WNT2B: variants seen among roughly 807,000 people sequenced by gnomAD.
WNT2B encodes the protein Wnt family member 2B.
In WNT2B, 19 loss-of-function variants were observed where a neutral mutation model predicts 40.5. That is an observed-to-expected ratio of 0.47 (90% CI 0.33 to 0.69). WNT2B has a LOEUF of 0.69. Ranked by LOEUF, WNT2B falls within the 30% of genes least tolerant of loss-of-function variation. The pLI, the probability that WNT2B is intolerant of heterozygous loss-of-function variation, is 0.02. For synonymous variants in WNT2B, 220 were observed against 211.9 expected, an observed-to-expected ratio of 1.04 and a Z score of -0.33; for missense variants, 467 against 556.4, an observed-to-expected ratio of 0.84 and a Z score of 1.62.
At position 112,515,101 on chromosome 1, in the gene WNT2B, G is replaced by A. The variant is rs1391659466; in HGVS notation, c.403+7G>A. On this transcript the variant is annotated splice_region_variant and intron_variant, in intron 2 of 4. Coordinates refer to ENST00000369684, the MANE Select transcript of WNT2B (RefSeq NM_024494.3). The surrounding 1 kb of genome is among the most constrained non-coding windows in gnomAD (Gnocchi z 4.4). ...GGCCGTGTCATGCTCAGAAGTAAGA[G>A]CCTCTTCCATCCTGTGTCAGCTCCT... 15 of 1,613,152 alleles carry A rather than the reference G, an allele frequency of 9.3e-6. No homozygotes were observed. Among genetic ancestry groups the A allele is most frequent in the African/African-American group, 1.3e-5 (1 of 74,920 alleles).
chr1:112,483,605 C>T (rs1651301686), intron 1 of WNT2B, among the ~76,000 whole-genome samples: 1 of 150,988 alleles, frequency 6.6e-6, no homozygotes, highest in Non-Finnish European at 1.5e-5. Context: ...AAAGCACAAG[C>T]AACAGAAGCA....
chr1:112,530,145 A>C lies in WNT2B; in HGVS notation c.*9636A>C, dbSNP rs1654133323. 1 of 152,236 alleles carries C rather than the reference A, an allele frequency of 6.6e-6. No individual in the cohort carries two copies. The highest frequency in any genetic ancestry group is 2.4e-5 in the African/African-American group (1 of 41,460). The allele number at this position is 152,236 out of a possible 1,614,324, so 9.4% of individuals were successfully genotyped here. A position where few individuals can be genotyped will look rare whatever the true frequency, so the allele number is the denominator to read the frequency against. ...AGCTAGAGAAGTAATAATTACCAAT[A>C]AAGTAAATTCCAAAGCCGAATCCCC... On this transcript the variant is annotated 3_prime_UTR_variant, in exon 5 of 5. Coordinates refer to ENST00000369684, the MANE Select transcript of WNT2B (RefSeq NM_024494.3).
At chr1:112,488,958 A>G (rs1241792968) in intron 1 of WNT2B, among the ~76,000 whole-genome samples, 2 of 152,144 alleles carry the variant, frequency 1.3e-5, no homozygotes, top group Non-Finnish European at 2.9e-5. Context: ...CCAAATGGGA[A>G]TTCTCATTCA....
chr1:112,466,938 A>AG (rs1650726695), exon 1 of WNT2B: 1 of 152,468 alleles, frequency 6.6e-6, no homozygotes, highest in African/African-American at 2.4e-5. Flanking sequence ...AGGATAGAGA[A>AG]ATAAGTTACA....
Position 112,490,886 on chromosome 1 carries a change from G to A in WNT2B, c.-95+23295G>A, listed in dbSNP as rs935667687. The A allele has an allele frequency of 3.7e-5, 35 of 933,780 alleles. No homozygotes were observed. In the Admixed American group the frequency reaches 4.9e-4, roughly 13 times the overall value. 57.8% of individuals were successfully genotyped at this position (933,780 alleles called of 1,614,324 possible). The stretch of plus-strand genomic sequence containing the variant: ...GTCTAGGCCAAAATTTACCTCTTCC[G>A]GAAAGATCCCCCCTGGATTCCCAAT... On this transcript the variant is annotated intron_variant, in intron 1 of 4. Transcript: ENST00000256640.
intron 1 of WNT2B, among the ~76,000 whole-genome samples, chr1:112,503,453 T>C (rs767202714): frequency 1.3e-5 from 2 of 151,824 alleles, no homozygotes; most frequent in African/African-American, 2.4e-5. Flanking sequence ...GGGAGAGGTA[T>C]GAGACAGAGA....
At chr1:112,486,909 G>A (rs1651434838) in intron 1 of WNT2B, among the ~76,000 whole-genome samples, 1 of 152,126 alleles carries the variant, frequency 6.6e-6, no homozygotes, top group Admixed American at 6.5e-5. Flanking sequence ...AACATATTTC[G>A]ATAGTTTCTT....
At position 112,527,878 on chromosome 1, in the gene WNT2B, A is replaced by G. The variant is rs1339281534; in HGVS notation, c.*7369A>G. On this transcript the variant is annotated 3_prime_UTR_variant, in exon 5 of 5. Transcript: ENST00000369684. ...AGGAATGTAACTATGAAGTAAAAGG[A>G]AACAGTAAGGAAGGTGAACTGGAAC... is the stretch of plus-strand genomic sequence containing the variant. 1 of 152,258 alleles carries G rather than the reference A, an allele frequency of 6.6e-6. No individual in the cohort carries two copies. The highest frequency in any genetic ancestry group is 6.5e-5 in the Admixed American group (1 of 15,286). The allele number at this position is 152,258 out of a possible 1,614,324, so 9.4% of individuals were successfully genotyped here.
intron 1 of WNT2B, 35 bp from the exon 2 acceptor site, chr1:112,514,839 T>C: frequency 6.2e-7 from 1 of 1,608,588 alleles, no homozygotes; most frequent in South Asian, 1.1e-5. Flanking sequence ...GAAAAAGGTC[T>C]GGGATGTTCT....
intron 1 of WNT2B, among the ~76,000 whole-genome samples, chr1:112,497,297 G>A (rs773877109): frequency 3.3e-5 from 5 of 152,220 alleles, no homozygotes; most frequent in Non-Finnish European, 7.3e-5. Context: ...CTTTGCCCGG[G>A]CCCTGAGGTT....
intron 1 of WNT2B, among the ~76,000 whole-genome samples, chr1:112,486,842 G>A (rs1037821117): frequency 2.6e-5 from 4 of 152,146 alleles, no homozygotes; most frequent in African/African-American, 9.7e-5. Context: ...ATGTGTTGAC[G>A]AGAATGTAGA....
chr1:112,520,212 G>A, intron 4 of WNT2B, 68 bp from the exon 5 acceptor site: 1 of 1,438,722 alleles, frequency 7.0e-7, no homozygotes, highest in Non-Finnish European at 9.6e-7. Context: ...TTCTGAGAAT[G>A]TGGTTAAGGG....
At chr1:112,483,235 C>G (rs994324677) in intron 1 of WNT2B, among the ~76,000 whole-genome samples, 8 of 147,124 alleles carry the variant, frequency 5.4e-5, no homozygotes, top group Non-Finnish European at 1.2e-4. Flanking sequence ...TACACACACA[C>G]ACACATTATA....
intron 1 of WNT2B, among the ~76,000 whole-genome samples, chr1:112,496,741 C>G (rs351357): frequency 0.45 from 67,852 of 151,666 alleles, 16,493 homozygotes; most frequent in South Asian, 0.61. Flanking sequence ...GCTGGGATTA[C>G]AGGCATGTAC....
chr1:112,467,589 A>C (rs1331425943), exon 1 of WNT2B: 1 of 780,758 alleles, frequency 1.3e-6, no homozygotes. Context: ...AATTCAACTA[A>C]AAGTAAGTTG....
At position 112,526,185 on chromosome 1, in the gene WNT2B, G is replaced by A; in HGVS notation, c.*5676G>A. The A allele has an allele frequency of 6.3e-7, 1 of 1,597,450 alleles. No homozygotes were observed. Among genetic ancestry groups the A allele is most frequent in the Non-Finnish European group, 8.5e-7 (1 of 1,171,992 alleles). On this transcript the variant is annotated 3_prime_UTR_variant, in exon 5 of 5. Transcript: ENST00000369684. ...AGGACAGCCAAGAGAGTATATCTGAGCACAGTTTACAAAGGAACAGCCTAG... is the reference window on the plus strand; with the variant it reads ...AGGACAGCCAAGAGAGTATATCTGAACACAGTTTACAAAGGAACAGCCTAG...
chr1:112,502,383 C>G (rs1052233404), intron 1 of WNT2B, among the ~76,000 whole-genome samples: 2 of 152,260 alleles, frequency 1.3e-5, no homozygotes, highest in African/African-American at 4.8e-5. Context: ...CAGATCCTTT[C>G]CTCTGCAAGA....
Position 112,469,057 on chromosome 1 carries a change from AG to A in WNT2B, c.-95+1469del, listed in dbSNP as rs541814257. Among the ~76,000 whole-genome samples, 1,215 of 152,318 alleles carry A rather than the reference AG, an allele frequency of 8.0e-3. 7 individuals carry two copies. The highest frequency in any genetic ancestry group is 0.012 in the Non-Finnish European group (799 of 68,028). On this transcript the variant is annotated intron_variant, in intron 1 of 4. Transcript: ENST00000256640. Reference sequence around the variant, plus strand: ...GTTTTCCCAGCACCATTTATTGAAGAGGGTGTTCTTTCCCCATTGTATGTCC... The same window carrying A: ...GTTTTCCCAGCACCATTTATTGAAGAGGTGTTCTTTCCCCATTGTATGTCC...
At chr1:112,491,206 G>A (rs897594201) in intron 1 of WNT2B, 20 of 867,018 alleles carry the variant, frequency 2.3e-5, no homozygotes, top group Middle Eastern at 3.1e-4. Flanking sequence ...GCAAGAGTTC[G>A]AGACCAGCCT....
Sources: allele counts gnomAD v4.1 joint callset (sites outside exome capture counted in the v4.1 genomes callset), GRCh38; gene constraint gnomAD v4.1.1; non-coding constraint Gnocchi (gnomAD v3.1); transcripts MANE v1.5; gene names NCBI Gene and HGNC (gene_info 2026-07-23, HGNC 2026-07-21).